The following ABCB11 variants were observed in gnomAD, a reference collection of about 807,000 sequenced individuals.
ABCB11 encodes the protein ATP binding cassette subfamily B member 11, also known as bile salt export pump.
A neutral mutation model predicts 148.0 loss-of-function variants in ABCB11; 95 were observed. The observed-to-expected ratio is 0.64, with a 90% CI of 0.54 to 0.76. ABCB11 has a LOEUF of 0.76. Ranked by LOEUF, ABCB11 falls within the 30% of genes least tolerant of loss-of-function variation. The pLI is 0.00. For missense variants in ABCB11, 1,523 were observed against 1,617.8 expected, an observed-to-expected ratio of 0.94 and a Z score of 1.01; for synonymous variants, 591 against 555.4, an observed-to-expected ratio of 1.06 and a Z score of -0.90.
chr2:168,924,945 G>A, intron 26 of ABCB11, 142 bp from the exon 27 acceptor site: 1 of 578,050 alleles, frequency 1.7e-6, no homozygotes, highest in Non-Finnish European at 2.8e-6. Context: ...CCTATAGGAT[G>A]GAGGATGTCA....
At chr2:168,953,102 A>C (rs1018720954) in intron 19 of ABCB11, among the ~76,000 whole-genome samples, 2 of 151,624 alleles carry the variant, frequency 1.3e-5, no homozygotes, top group South Asian at 4.1e-4. Flanking sequence ...TAAAAAATTC[A>C]TTAAGACTTG....
intron 1 of ABCB11, among the ~76,000 whole-genome samples, chr2:169,020,965 C>G (rs1022860992): frequency 6.9e-6 from 1 of 145,768 alleles, no homozygotes; most frequent in Non-Finnish European, 1.5e-5. Context: ...AAGACATACA[C>G]TTTTTTTTTT....
chr2:169,013,660 T>C, intron 4 of ABCB11, 150 bp from the exon 5 acceptor site: 1 of 602,896 alleles, frequency 1.7e-6, no homozygotes, highest in Non-Finnish European at 2.9e-6. Context: ...GTTCGTATAC[T>C]AATTATATTG....
At chr2:168,967,885 T>C (rs941008958) in intron 17 of ABCB11, among the ~76,000 whole-genome samples, 7 of 151,900 alleles carry the variant, frequency 4.6e-5, no homozygotes, top group African/African-American at 7.2e-5. Flanking sequence ...TTTATATTGA[T>C]CCAGGGAAAA....
chr2:168,955,593 A>G (rs999212205), intron 19 of ABCB11, among the ~76,000 whole-genome samples: 1 of 151,600 alleles, frequency 6.6e-6, no homozygotes, highest in African/African-American at 2.4e-5. Flanking sequence ...ACAGTTTGAC[A>G]CGAGATTTGG....
chr2:168,941,854 T>C (rs982144005), intron 21 of ABCB11, among the ~76,000 whole-genome samples: 3 of 152,036 alleles, frequency 2.0e-5, no homozygotes, highest in Non-Finnish European at 4.4e-5. Context: ...CATTGTTTAT[T>C]TTTAGACATA....
Position 168,995,486 on chromosome 2 carries a change from G to C in ABCB11, c.478-4C>G, listed in dbSNP as rs1694684161. 1 of 1,608,058 alleles carries C rather than the reference G, an allele frequency of 6.2e-7. No homozygotes were observed. Among genetic ancestry groups the C allele is most frequent in the African/African-American group, 1.3e-5 (1 of 74,598 alleles). On this transcript the variant is annotated splice_region_variant and splice_polypyrimidine_tract_variant and intron_variant, in intron 6 of 27. Coordinates refer to ENST00000650372, the MANE Select transcript of ABCB11 (RefSeq NM_003742.4). The stretch of plus-strand genomic sequence containing the variant: ...CGGCAATGACCCAAAAGCATATCTG[G>C]AAATGGACAAAGGAATGTTTAGCAT...
intron 14 of ABCB11, 46 bp from the exon 15 acceptor site, chr2:168,970,261 G>A: frequency 6.3e-7 from 1 of 1,583,092 alleles, no homozygotes; most frequent in Non-Finnish European, 8.6e-7. Flanking sequence ...GAATTTGATG[G>A]CTTCTGACAG....
chr2:168,924,106 A>T (rs774690631), intron 27 of ABCB11, among the ~76,000 whole-genome samples: 7 of 152,226 alleles, frequency 4.6e-5, no homozygotes, highest in Non-Finnish European at 1.0e-4. Context: ...CTGAAATGAA[A>T]TGAAGAAAAC....
chr2:168,991,396 G>C (rs1694516408), intron 8 of ABCB11, among the ~76,000 whole-genome samples: 1 of 152,030 alleles, frequency 6.6e-6, no homozygotes, highest in African/African-American at 2.4e-5. Context: ...TTCCAGAAAA[G>C]AAAGTCCATT....
At chr2:169,020,965 CTT>C (rs200889320) in intron 1 of ABCB11, among the ~76,000 whole-genome samples, 1 of 145,802 alleles carries the variant, frequency 6.9e-6, no homozygotes. Flanking sequence ...AAGACATACA[CTT>C]TTTTTTTTTT....
At chr2:168,944,807 GA>G (rs764214936) in intron 20 of ABCB11, 41 bp from the exon 21 acceptor site, 3 of 1,604,160 alleles carry the variant, frequency 1.9e-6, no homozygotes, top group Non-Finnish European at 2.6e-6. Context: ...ATTTTAATGA[GA>G]AAAAAGGAAA....
chr2:169,003,476 T>C (rs1694939479), intron 5 of ABCB11, among the ~76,000 whole-genome samples: 1 of 151,700 alleles, frequency 6.6e-6, no homozygotes, highest in East Asian at 1.9e-4. Context: ...ATTTTCCTTA[T>C]CCACTCGTTG....
intron 21 of ABCB11, among the ~76,000 whole-genome samples, chr2:168,941,373 G>C (rs1574412080): frequency 6.6e-6 from 1 of 151,938 alleles, no homozygotes; most frequent in Admixed American, 6.6e-5. Context: ...ACATAAATAG[G>C]TGCTTGAAAG....
intron 1 of ABCB11, among the ~76,000 whole-genome samples, chr2:169,027,661 G>A (rs979608488): frequency 6.6e-6 from 1 of 152,282 alleles, no homozygotes; most frequent in African/African-American, 2.4e-5. Flanking sequence ...GCCTGAATGA[G>A]TAGTACCACA....
chr2:168,981,218 C>G (rs1024527986), intron 10 of ABCB11, among the ~76,000 whole-genome samples: 1 of 152,112 alleles, frequency 6.6e-6, no homozygotes, highest in Non-Finnish European at 1.5e-5. Flanking sequence ...CCATGTCTCT[C>G]CCTCTTCAGT....
In ABCB11 at chr2:168,922,947, C is replaced by T. The variant is rs1230840984; in HGVS notation, c.*675G>A. On this transcript the variant is annotated 3_prime_UTR_variant, in exon 28 of 28. Transcript: ENST00000650372. ...GTCCTCACAGTAATGGTAGCATCAC[C>T]ACCCCTACACTCACTCTGAAGTTAA... 1 of 152,480 alleles carries T rather than the reference C, an allele frequency of 6.6e-6. No homozygotes were observed. The highest frequency in any genetic ancestry group is 2.4e-5 in the African/African-American group (1 of 41,382). The allele number at this position is 152,480 out of a possible 1,614,324, so 9.4% of individuals were successfully genotyped here. A position where few individuals can be genotyped will look rare whatever the true frequency, so the allele number is the denominator to read the frequency against.
intron 11 of ABCB11, 42 bp downstream of exon 11, chr2:168,979,824 G>GCCCCCAC: frequency 1.4e-6 from 1 of 694,168 alleles, no homozygotes; most frequent in Non-Finnish European, 2.5e-6. Context: ...CCACCCCCCA[G>GCCCCCAC]CCCCCACCTG....
downstream of ABCB11, among the ~76,000 whole-genome samples, chr2:168,916,469 C>T (rs1690943856): frequency 6.6e-6 from 1 of 152,180 alleles, no homozygotes; most frequent in Admixed American, 6.5e-5. Flanking sequence ...ACCCTGATTA[C>T]TCATTATGAG....
Sources: allele counts gnomAD v4.1 joint callset (sites outside exome capture counted in the v4.1 genomes callset), GRCh38; gene constraint gnomAD v4.1.1; transcripts MANE v1.5; gene names NCBI Gene and HGNC (gene_info 2026-07-23, HGNC 2026-07-21).